The following EXOSC10 variants were observed in gnomAD, a reference collection of about 807,000 sequenced individuals.
EXOSC10 encodes exosome component 10, also known as exosome complex component 10.
In EXOSC10, 94 loss-of-function variants were observed where a neutral mutation model predicts 126.6. That is an observed-to-expected ratio of 0.74 (90% CI 0.63 to 0.88). EXOSC10 has a LOEUF of 0.88. Among genes scored for constraint, EXOSC10 ranks in the 40% least tolerant of loss-of-function variants. The probability of loss-of-function intolerance (pLI) is 0.00; values close to 1 mark genes in which losing one functional copy is unlikely to be tolerated. For missense variants in EXOSC10, 1,041 were observed against 1,100.5 expected, an observed-to-expected ratio of 0.95 and a Z score of 0.77; for synonymous variants, 395 against 400.8, an observed-to-expected ratio of 0.99 and a Z score of 0.17.
chr1:11,087,408 G>C (rs1640553694), intron 9 of EXOSC10, 40 bp downstream of exon 9: 1 of 1,611,422 alleles, frequency 6.2e-7, no homozygotes, highest in Non-Finnish European at 8.5e-7. Context: ...TAAAAATCTT[G>C]TATGAGCTCA....
At chr1:11,069,815 C>A in intron 21 of EXOSC10, 85 bp from the exon 22 acceptor site, 1 of 1,441,054 alleles carries the variant, frequency 6.9e-7, no homozygotes, top group Non-Finnish European at 9.5e-7. Context: ...TAGCTGGGAC[C>A]CAGCTGCCTA....
chr1:11,093,081 AAAAT>A (rs1345024681), intron 3 of EXOSC10, among the ~76,000 whole-genome samples: 1 of 152,252 alleles, frequency 6.6e-6, no homozygotes, highest in East Asian at 1.9e-4. Flanking sequence ...TGTCAATAAA[AAAAT>A]AAAAATTTTA....
At chr1:11,090,728 C>T (rs1640759290) in intron 5 of EXOSC10, 60 bp from the exon 6 acceptor site, 1 of 1,260,704 alleles carries the variant, frequency 7.9e-7, no homozygotes, top group African/African-American at 1.5e-5. Context: ...TCTAATTACA[C>T]AGGGGTAAAC....
chr1:11,089,331 T>G (rs1640670296), intron 6 of EXOSC10, among the ~76,000 whole-genome samples: 1 of 150,472 alleles, frequency 6.6e-6, no homozygotes, highest in African/African-American at 2.4e-5. Flanking sequence ...AACATGGGGC[T>G]GGGTGCGGTG....
chr1:11,066,630 G>T lies in EXOSC10; in HGVS notation c.*88C>A. 6.8e-7 allele frequency: 1 copy of T among 1,465,342 alleles called. No individual in the cohort carries two copies. The highest frequency in any genetic ancestry group is 1.1e-5 in the South Asian group (1 of 87,898). The allele number at this position is 1,465,342 out of a possible 1,614,324, so 90.8% of individuals were successfully genotyped here. On this transcript the variant is annotated 3_prime_UTR_variant, in exon 25 of 25. Transcript: ENST00000376936. ...GTCAGGAATCAGCTTTCTTCAGGAA[G>T]AATTTTAATGGTTTAAAAATATGTA...
At position 11,066,716 on chromosome 1, in the gene EXOSC10, G is replaced by A. The variant is rs1415224772; in HGVS notation, c.*2C>T. ...TCCACAGGCGCCACGTGTCTTCCAG[G>A]ACTATCTCTGTGGCCAGTTGTACCT... On this transcript the variant is annotated 3_prime_UTR_variant, in exon 25 of 25. Transcript: ENST00000376936. 1 of 1,614,210 alleles carries A rather than the reference G, an allele frequency of 6.2e-7. No individual in the cohort carries two copies. Among genetic ancestry groups the A allele is most frequent in the Middle Eastern group, 1.6e-4 (1 of 6,062 alleles).
rs375807419 is a variant in EXOSC10 at position 11,095,832 on chromosome 1, G to A, written c.298C>T (p.Arg100Ter). ...YHGCRSNIKD[R>*]SKVTELEDKF... Reference sequence around the variant, plus strand: ...TCTTCCAGCTCAGTCACTTTACTTCGATCCTTAATGTTGCTGCGACACCCA... The same window carrying A: ...TCTTCCAGCTCAGTCACTTTACTTCAATCCTTAATGTTGCTGCGACACCCA... Residue 100 changes from arginine (R) to a stop codon, truncating the protein, a stop_gained, in exon 3 of 25, where the codon CGA becomes TGA. Transcript: ENST00000376936. LOFTEE classifies it high-confidence loss of function. The A allele has an allele frequency of 2.5e-6, 4 of 1,613,744 alleles. No homozygotes were observed. The highest frequency in any genetic ancestry group is 2.7e-5 in the African/African-American group (2 of 74,928).
chr1:11,080,104 G>A (rs557434602), intron 13 of EXOSC10, among the ~76,000 whole-genome samples: 1 of 152,330 alleles, frequency 6.6e-6, no homozygotes, highest in East Asian at 1.9e-4. Flanking sequence ...TCCGCAGGGG[G>A]CAACCAACGG....
chr1:11,066,665 GCAGCAC>G lies in EXOSC10; in HGVS notation c.*47_*52del. On this transcript the variant is annotated 3_prime_UTR_variant, in exon 25 of 25. Coordinates refer to ENST00000376936, the MANE Select transcript of EXOSC10 (RefSeq NM_001001998.3). Reference sequence around the variant, plus strand: ...GGTTTAAAAATATGTATGTACAAAAGCAGCACCAGCATTTGGTGCTTCCGGTCCACA... The same window carrying G: ...GGTTTAAAAATATGTATGTACAAAAGCAGCATTTGGTGCTTCCGGTCCACA... 2 of 1,596,358 alleles carry G rather than the reference GCAGCAC, an allele frequency of 1.3e-6. No homozygotes were observed. The highest frequency in any genetic ancestry group is 2.2e-5 in the South Asian group (2 of 90,760).
chr1:11,090,133 G>A (rs1295752889), intron 6 of EXOSC10, among the ~76,000 whole-genome samples: 1 of 151,902 alleles, frequency 6.6e-6, no homozygotes, highest in Non-Finnish European at 1.5e-5. Flanking sequence ...GAGTAGCTGG[G>A]ATTACAGGCA....
chr1:11,080,441 T>C (rs1640078070), intron 13 of EXOSC10, 58 bp downstream of exon 13: 2 of 1,600,858 alleles, frequency 1.2e-6, no homozygotes, highest in Non-Finnish European at 1.7e-6. Context: ...AGCTTGATTT[T>C]GAAGAACATC....
chr1:11,082,336 C>T lies in EXOSC10; in HGVS notation c.1280+352G>A, dbSNP rs144837213. ...TATGGAAGGTCATCTTGCACACACA[C>T]ACACACACACAATCATCCCTACAGA... On this transcript the variant is annotated intron_variant, in intron 10 of 24. Transcript: ENST00000376936. Among the ~76,000 whole-genome samples, 1,020 of 152,198 alleles carry T rather than the reference C, an allele frequency of 6.7e-3. 9 individuals are homozygous for T. The highest frequency in any genetic ancestry group is 0.011 in the South Asian group (54 of 4,816).
At chr1:11,090,100 C>T (rs1640719315) in intron 6 of EXOSC10, among the ~76,000 whole-genome samples, 2 of 150,974 alleles carry the variant, frequency 1.3e-5, no homozygotes, top group South Asian at 2.1e-4. Context: ...CAAGTTCAAG[C>T]GATTCTCCTG....
Position 11,095,830 on chromosome 1 carries a change from T to C in EXOSC10, c.300A>G (p.Arg100=), listed in dbSNP as rs1352820927. ...TGTCTTCCAGCTCAGTCACTTTACT[T>C]CGATCCTTAATGTTGCTGCGACACC... ...YHGCRSNIKD[R]SKVTELEDKF... The change falls in exon 3 of 25, where the codon CGA becomes CGG. Residue 100 remains arginine, a synonymous_variant. Coordinates refer to ENST00000376936, the MANE Select transcript of EXOSC10 (RefSeq NM_001001998.3). 6 of 1,614,116 alleles carry C rather than the reference T, an allele frequency of 3.7e-6. No homozygotes were observed. The East Asian group carries it at 1.3e-4, about 36-fold the overall frequency.
At chr1:11,072,233 A>T (rs1489671432) in intron 19 of EXOSC10, 62 bp from the exon 20 acceptor site, 2 of 1,278,054 alleles carry the variant, frequency 1.6e-6, no homozygotes, top group Non-Finnish European at 1.1e-6. Flanking sequence ...AGTCTGTCTT[A>T]CTTTTCATGA....
intron 6 of EXOSC10, among the ~76,000 whole-genome samples, chr1:11,089,222 TAA>T (rs533212430): frequency 5.6e-4 from 28 of 49,736 alleles, no homozygotes; most frequent in Admixed American, 7.3e-4. Flanking sequence ...AGAGCAAAAC[TAA>T]AAAAAAAAAA....
chr1:11,071,947 C>A, intron 20 of EXOSC10, 140 bp downstream of exon 20: 1 of 662,582 alleles, frequency 1.5e-6, no homozygotes, highest in Non-Finnish European at 2.6e-6. Context: ...AGGATAGATA[C>A]TGATTGCCCA....
intron 22 of EXOSC10, 165 bp from the exon 23 acceptor site, chr1:11,068,871 T>C (rs999640998): frequency 1.4e-5 from 9 of 638,210 alleles, no homozygotes; most frequent in South Asian, 5.5e-5. Flanking sequence ...AATGAATACA[T>C]AGCGATCCTG....
intron 24 of EXOSC10, among the ~76,000 whole-genome samples, chr1:11,067,461 G>GGGCATGAT (rs2100935623): frequency 7.0e-6 from 1 of 143,528 alleles, no homozygotes; most frequent in South Asian, 2.2e-4. Flanking sequence ...AACATTAGCC[G>GGGCATGAT]GGCATGATGG....
Sources: allele counts gnomAD v4.1 joint callset (sites outside exome capture counted in the v4.1 genomes callset), GRCh38; gene constraint gnomAD v4.1.1; transcripts MANE v1.5; gene names NCBI Gene and HGNC (gene_info 2026-07-23, HGNC 2026-07-21).